SLC12A6: variants seen among roughly 807,000 people sequenced by gnomAD.
SLC12A6 encodes the protein solute carrier family 12 member 6.
SLC12A6 carries 66 observed loss-of-function variants against 135.3 expected under a neutral mutation model. The ratio of observed to expected loss-of-function variants is 0.49; its 90% CI spans 0.40 to 0.60. The LOEUF is 0.60. Among genes scored for constraint, SLC12A6 ranks in the 20% least tolerant of loss-of-function variants. The probability of loss-of-function intolerance (pLI) is 0.00; values close to 1 mark genes in which losing one functional copy is unlikely to be tolerated. For missense variants in SLC12A6, 1,058 were observed against 1,452.3 expected, an observed-to-expected ratio of 0.73 and a Z score of 4.41; for synonymous variants, 513 against 508.8, an observed-to-expected ratio of 1.01 and a Z score of -0.11.
intron 25 of SLC12A6, 64 bp from the exon 26 acceptor site, chr15:34,234,036 A>T: frequency 3.6e-6 from 3 of 834,438 alleles, no homozygotes; most frequent in Middle Eastern, 2.2e-4. Context: ...GCATCATCAT[A>T]ATCTGAGGTT....
Position 34,245,982 on chromosome 15 carries a change from G to C in SLC12A6, c.1650-115C>G, listed in dbSNP as rs1891958215. On this transcript the variant is annotated intron_variant, in intron 13 of 25. Coordinates refer to ENST00000354181, the MANE Select transcript of SLC12A6 (RefSeq NM_001365088.1). Reference sequence around the variant, plus strand: ...GAATCTCACTCTGTCACCCAGGCTAGAGTGCAGTGGTGTGATCTTGGCTCA... The same window carrying C: ...GAATCTCACTCTGTCACCCAGGCTACAGTGCAGTGGTGTGATCTTGGCTCA... The C allele has an allele frequency of 3.7e-6, 3 of 800,014 alleles. No homozygotes were observed. In the South Asian group the frequency reaches 4.4e-5, roughly 12 times the overall value. The allele number at this position is 800,014 out of a possible 1,614,324, so 49.6% of individuals were successfully genotyped here.
rs1017967130 is a variant in SLC12A6 at position 34,235,889 on chromosome 15, A to C, written c.3227+126T>G. The C allele has an allele frequency of 1.2e-5, 10 of 809,498 alleles. No individual in the cohort carries two copies. The African/African-American group carries it at 1.7e-4, about 14-fold the overall frequency. The allele number at this position is 809,498 out of a possible 1,614,324, so 50.1% of individuals were successfully genotyped here. On this transcript the variant is annotated intron_variant, in intron 24 of 25. Transcript: ENST00000354181. ...TCATTGGGAGCCAGTATGAACAGGC[A>C]AACAATAATGAGGTGGCTAGATTCA...
rs1891170502 is a variant in SLC12A6, at chr15:34,235,180, C to G, written c.3361+1G>C. On this transcript the variant is annotated splice_donor_variant, in intron 25 of 25. Coordinates refer to ENST00000354181, the MANE Select transcript of SLC12A6 (RefSeq NM_001365088.1). LOFTEE classifies it high-confidence loss of function. ...GGAAGCCCCACTCTTGGAAAGGATA[C>G]AGTTTTCATCACCCTCAGGGTTTCG... 2.5e-6 allele frequency: 4 copies of G among 1,613,784 alleles called. No homozygotes were observed. The highest frequency in any genetic ancestry group is 3.4e-6 in the Non-Finnish European group (4 of 1,179,682).
chr15:34,248,566 A>ACC (rs1228230401), intron 13 of SLC12A6, among the ~76,000 whole-genome samples: 1 of 52,178 alleles, frequency 1.9e-5, no homozygotes, highest in Non-Finnish European at 4.6e-5. Context: ...ATACACCCCC[A>ACC]CCCACACACA....
At chr15:34,309,458 TGTG>T (rs1322017845) in intron 2 of SLC12A6, among the ~76,000 whole-genome samples, 2 of 152,168 alleles carry the variant, frequency 1.3e-5, no homozygotes, top group African/African-American at 4.8e-5. Context: ...GTGTATCTCT[TGTG>T]GGGCAAAAGT....
At chr15:34,247,449 A>C (rs1664686058) in intron 13 of SLC12A6, among the ~76,000 whole-genome samples, 2 of 151,988 alleles carry the variant, frequency 1.3e-5, no homozygotes, top group Non-Finnish European at 2.9e-5. Flanking sequence ...CCCGGGAGGC[A>C]GAGGTTGCAG....
At chr15:34,237,761 A>G (rs1891368601) in intron 21 of SLC12A6, among the ~76,000 whole-genome samples, 1 of 152,218 alleles carries the variant, frequency 6.6e-6, no homozygotes, top group Admixed American at 6.5e-5. Flanking sequence ...CCTTAATTTC[A>G]TAACAAGAAA....
rs192649555 is a variant in SLC12A6 at position 34,261,963 on chromosome 15, T to C, written c.317-943A>G. On this transcript the variant is annotated intron_variant, in intron 3 of 25. Transcript: ENST00000354181. ...CAATTTGGAGATTCCTCAGAGAACT[T>C]AGAACTACCATTCCACCCGGCAATC... is the stretch of plus-strand genomic sequence containing the variant. Among the ~76,000 whole-genome samples, 16 of 152,286 alleles carry C rather than the reference T, an allele frequency of 1.1e-4. 1 individual carries two copies. Among genetic ancestry groups the C allele is most frequent in the East Asian group, 3.9e-4 (2 of 5,180 alleles).
At chr15:34,304,970 T>C (rs1297858371) in intron 2 of SLC12A6, among the ~76,000 whole-genome samples, 1 of 152,236 alleles carries the variant, frequency 6.6e-6, no homozygotes, top group African/African-American at 2.4e-5. Context: ...CTTGAAATTT[T>C]TGTATAGTTG....
chr15:34,235,374 G>C, intron 24 of SLC12A6, 60 bp from the exon 25 acceptor site: 2 of 1,411,270 alleles, frequency 1.4e-6, no homozygotes, highest in Non-Finnish European at 2.0e-6. Flanking sequence ...TAAAGTCAAC[G>C]TTAAAAACTT....
chr15:34,230,376 A>ATGTT lies in SLC12A6; in HGVS notation c.*3501_*3504dup, dbSNP rs1890842442. 6.5e-6 allele frequency: 1 copy of ATGTT among 152,940 alleles called. No individual in the cohort carries two copies. The highest frequency in any genetic ancestry group is 2.1e-4 in the South Asian group (1 of 4,866). The allele number at this position is 152,940 out of a possible 1,614,324, so 9.5% of individuals were successfully genotyped here. On this transcript the variant is annotated 3_prime_UTR_variant, in exon 26 of 26. Transcript: ENST00000354181. ...CCCACGATAAGGGATTTTTGTTAGCATGTTTAGGGGGAACGAGGATTGGTG... is the reference window on the plus strand; with the variant it reads ...CCCACGATAAGGGATTTTTGTTAGCATGTTTGTTTAGGGGGAACGAGGATTGGTG...
chr15:34,253,328 AGAG>A (rs750977107), intron 9 of SLC12A6, among the ~76,000 whole-genome samples: 129 of 152,376 alleles, frequency 8.5e-4, no homozygotes, highest in Non-Finnish European at 1.7e-3. Context: ...TAATCAAAAA[AGAG>A]GAGAAGCCCC....
At chr15:34,329,620 A>C (rs74010072) in intron 2 of SLC12A6, among the ~76,000 whole-genome samples, 3,445 of 152,272 alleles carry the variant, frequency 0.023, 137 homozygotes, top group African/African-American at 0.079. Context: ...GATCAAAGAC[A>C]AGAAGTTGAG....
chr15:34,288,022 C>T (rs1895231858), intron 2 of SLC12A6, among the ~76,000 whole-genome samples: 1 of 152,096 alleles, frequency 6.6e-6, no homozygotes, highest in South Asian at 2.1e-4. Context: ...GTTGCCATTG[C>T]TTTGGTGTTT....
chr15:34,291,129 G>A (rs566024319), intron 2 of SLC12A6, among the ~76,000 whole-genome samples: 45 of 152,216 alleles, frequency 3.0e-4, no homozygotes, highest in African/African-American at 7.5e-4. Flanking sequence ...CCAGTTGTTC[G>A]TATCCACGTT....
intron 13 of SLC12A6, among the ~76,000 whole-genome samples, chr15:34,248,257 A>C (rs965988528): frequency 6.6e-6 from 1 of 152,152 alleles, no homozygotes; most frequent in African/African-American, 2.4e-5. Context: ...TGAAGAGAAA[A>C]TGAAGCAGGC....
intron 2 of SLC12A6, among the ~76,000 whole-genome samples, chr15:34,298,815 A>G (rs889080652): frequency 4.6e-5 from 7 of 152,116 alleles, no homozygotes; most frequent in African/African-American, 1.4e-4. Flanking sequence ...CTTCCACACC[A>G]ATCTATTCCA....
At chr15:34,284,999 G>A (rs1482762828) in intron 2 of SLC12A6, among the ~76,000 whole-genome samples, 1 of 152,234 alleles carries the variant, frequency 6.6e-6, no homozygotes, top group East Asian at 1.9e-4. Flanking sequence ...GAATAAGCAA[G>A]TTGAAAGTGA....
chr15:34,336,154 G>A (rs748450736), intron 2 of SLC12A6, among the ~76,000 whole-genome samples: 3 of 152,092 alleles, frequency 2.0e-5, no homozygotes, highest in Non-Finnish European at 4.4e-5. Context: ...TTTCTAAGAA[G>A]ACAAAAATGA....
Sources: gnomAD v4.1 joint callset for allele counts (sites outside exome capture counted in the v4.1 genomes callset) on GRCh38, gnomAD v4.1.1 for gene constraint, MANE v1.5 for transcripts, NCBI Gene and HGNC (gene_info 2026-07-23, HGNC 2026-07-21) for gene names.